MAN2A1: variants seen among roughly 807,000 people sequenced by gnomAD.
MAN2A1 encodes the protein mannosidase alpha class 2A member 1.
A neutral mutation model predicts 142.6 loss-of-function variants in MAN2A1; 76 were observed. The ratio of observed to expected loss-of-function variants is 0.53; its 90% confidence interval spans 0.44 to 0.65. The LOEUF is 0.65. MAN2A1 is among the 30% of genes least tolerant of loss of function. The pLI is 0.00. For missense variants in MAN2A1, 1,311 were observed against 1,365.1 expected, an observed-to-expected ratio of 0.96 and a Z score of 0.62; for synonymous variants, 559 against 473.2, an observed-to-expected ratio of 1.18 and a Z score of -2.35.
At chr5:109,743,171 T>C (rs1193918307) in intron 4 of MAN2A1, among the ~76,000 whole-genome samples, 1 of 152,182 alleles carries the variant, frequency 6.6e-6, no homozygotes, top group African/African-American at 2.4e-5. Context: ...ACCATTCATT[T>C]TTCATCACCT....
At chr5:109,730,300 CT>C (rs1166960604) in intron 4 of MAN2A1, among the ~76,000 whole-genome samples, 1 of 151,906 alleles carries the variant, frequency 6.6e-6, no homozygotes, top group Admixed American at 6.6e-5. Context: ...GCTTATTGTA[CT>C]TTTTCTTACT....
At position 109,755,043 on chromosome 5, in the gene MAN2A1, A is replaced by T. The variant is rs142493093; in HGVS notation, c.708-286A>T. On this transcript the variant is annotated intron_variant, in intron 4 of 21. Transcript: ENST00000261483. ...AAACCAACCAGATGTGGCTTTTGAC[A>T]TTAAGAATCTTTGAGGCTGTATGGG... Among the ~76,000 whole-genome samples, 3 of 152,130 alleles carry T rather than the reference A, an allele frequency of 2.0e-5. No homozygotes were observed. The East Asian group carries it at 5.8e-4, about 29-fold the overall frequency.
intron 4 of MAN2A1, among the ~76,000 whole-genome samples, chr5:109,735,709 A>G (rs1432456459): frequency 6.6e-6 from 1 of 152,154 alleles, no homozygotes; most frequent in Non-Finnish European, 1.5e-5. Flanking sequence ...ACTATATTAA[A>G]AAGTTCTTTC....
intron 12 of MAN2A1, among the ~76,000 whole-genome samples, chr5:109,810,819 T>G (rs924798671): frequency 2.6e-5 from 4 of 152,200 alleles, no homozygotes; most frequent in Admixed American, 2.6e-4. Context: ...GCTTTTCTAG[T>G]TGGCTAGTAG....
chr5:109,736,469 A>ATCAT (rs1561485923), intron 4 of MAN2A1, among the ~76,000 whole-genome samples: 1 of 152,110 alleles, frequency 6.6e-6, no homozygotes, highest in East Asian at 1.9e-4. Flanking sequence ...GTGAGCTGTG[A>ATCAT]TCATGCCCCT....
At chr5:109,829,530 G>A (rs926854630) in intron 16 of MAN2A1, among the ~76,000 whole-genome samples, 1 of 152,172 alleles carries the variant, frequency 6.6e-6, no homozygotes, top group Admixed American at 6.5e-5. Flanking sequence ...TTTACTCTTG[G>A]CCAGTCTTCT....
chr5:109,819,949 GATTA>G (rs1292946154), intron 14 of MAN2A1, 62 bp downstream of exon 14: 2 of 1,187,894 alleles, frequency 1.7e-6, no homozygotes, highest in Non-Finnish European at 1.2e-6. Context: ...AATGTGTGTA[GATTA>G]ATTAGGCAAA....
rs1755923755 is a variant in MAN2A1 at position 109,867,819 on chromosome 5, T to C, written c.*821T>C. 6.6e-6 allele frequency: 1 copy of C among 152,222 alleles called. No individual in the cohort carries two copies. The allele number at this position is 152,222 out of a possible 1,614,324, so 9.4% of individuals were successfully genotyped here. On this transcript the variant is annotated 3_prime_UTR_variant, in exon 22 of 22. Transcript: ENST00000261483. ...AGGGGTTTCTATTTTAAAATTACCATATCAAAATAAATGTGCCTTATTTTT... is the reference window on the plus strand; with the variant it reads ...AGGGGTTTCTATTTTAAAATTACCACATCAAAATAAATGTGCCTTATTTTT...
At chr5:109,745,220 T>C (rs1414681407) in intron 4 of MAN2A1, among the ~76,000 whole-genome samples, 1 of 152,194 alleles carries the variant, frequency 6.6e-6, no homozygotes, top group Non-Finnish European at 1.5e-5. Flanking sequence ...ACTGAAAATA[T>C]GTGTATTGTA....
At position 109,804,408 on chromosome 5, in the gene MAN2A1, A is replaced by T. The variant is rs1480426163; in HGVS notation, c.1944-12865A>T. ...TATGTGAAATCGCGTTACTTTTCAA[A>T]CTGAAACATAGGGTTTCAGATTTGT... On this transcript the variant is annotated intron_variant, in intron 12 of 21. Coordinates refer to ENST00000261483, the MANE Select transcript of MAN2A1 (RefSeq NM_002372.4). 3 of 340,088 alleles carry T rather than the reference A, an allele frequency of 8.8e-6. No individual in the cohort carries two copies. The East Asian group carries it at 5.1e-4, about 57-fold the overall frequency. 21.1% of individuals were successfully genotyped at this position (340,088 alleles called of 1,614,324 possible).
At chr5:109,719,490 A>G (rs1751544769) in intron 3 of MAN2A1, among the ~76,000 whole-genome samples, 1 of 152,206 alleles carries the variant, frequency 6.6e-6, no homozygotes, top group African/African-American at 2.4e-5. Flanking sequence ...CATACACTGC[A>G]AGTCAAAATG....
At chr5:109,857,268 A>G (rs962076749) in intron 20 of MAN2A1, among the ~76,000 whole-genome samples, 7 of 152,166 alleles carry the variant, frequency 4.6e-5, no homozygotes, top group African/African-American at 1.4e-4. Context: ...GATCTCAAAA[A>G]CTATTTTGAA....
At chr5:109,850,492 C>T (rs1755456673) in intron 19 of MAN2A1, among the ~76,000 whole-genome samples, 2 of 152,174 alleles carry the variant, frequency 1.3e-5, no homozygotes, top group Admixed American at 1.3e-4. Context: ...TTAGTATCCA[C>T]TTTAGATGTC....
At chr5:109,755,149 C>T (rs546492892) in intron 4 of MAN2A1, among the ~76,000 whole-genome samples, 180 bp from the exon 5 acceptor site, 11 of 152,258 alleles carry the variant, frequency 7.2e-5, no homozygotes, top group South Asian at 6.2e-4. Flanking sequence ...CCTGAGACAC[C>T]GGGTGCTATC....
At chr5:109,833,818 T>C (rs964118359) in intron 16 of MAN2A1, among the ~76,000 whole-genome samples, 1 of 152,194 alleles carries the variant, frequency 6.6e-6, no homozygotes, top group African/African-American at 2.4e-5. Context: ...TTAATTTTAA[T>C]CAATTATTTT....
chr5:109,713,380 G>A (rs921751398), intron 1 of MAN2A1, 140 bp from the exon 2 acceptor site: 22 of 570,466 alleles, frequency 3.9e-5, no homozygotes, highest in African/African-American at 3.0e-4. Context: ...TGCTTTCTGC[G>A]ATCCCACTTA....
intron 4 of MAN2A1, among the ~76,000 whole-genome samples, chr5:109,739,429 C>G (rs1363169343): frequency 6.6e-6 from 1 of 152,048 alleles, no homozygotes; most frequent in Non-Finnish European, 1.5e-5. Flanking sequence ...TCTCTAGTCT[C>G]TCTTTTTCAT....
chr5:109,826,324 C>T (rs542783279), intron 16 of MAN2A1, among the ~76,000 whole-genome samples: 2 of 152,132 alleles, frequency 1.3e-5, no homozygotes, highest in East Asian at 1.9e-4. Flanking sequence ...AAACTTAGAG[C>T]GCCTCACTGA....
rs1431097075 is a variant in MAN2A1 at position 109,713,502 on chromosome 5, T to C, written c.136-18T>C. 6.4e-7 allele frequency: 1 copy of C among 1,574,734 alleles called. No homozygotes were observed. The highest frequency in any genetic ancestry group is 1.4e-5 in the African/African-American group (1 of 73,154). The stretch of plus-strand genomic sequence containing the variant: ...ATATTAGTATTTCATATAGCTGCCT[T>C]TTTCTTTTTTATTGTAGGGCCAGCT... On this transcript the variant is annotated intron_variant, in intron 1 of 21. Coordinates refer to ENST00000261483, the MANE Select transcript of MAN2A1 (RefSeq NM_002372.4).
Sources: allele counts gnomAD v4.1 joint callset (sites outside exome capture counted in the v4.1 genomes callset), GRCh38; gene constraint gnomAD v4.1.1; transcripts MANE v1.5; gene names NCBI Gene and HGNC (gene_info 2026-07-23, HGNC 2026-07-21).